The following DPYD variants were observed in gnomAD, a reference collection of about 807,000 sequenced individuals.
The protein encoded by DPYD is dihydropyrimidine dehydrogenase [NADP(+)].
In DPYD, 109 loss-of-function variants were observed where a neutral mutation model predicts 116.2. The observed-to-expected ratio is 0.94, with a 90% CI of 0.80 to 1.10. The LOEUF (loss-of-function observed/expected upper bound fraction) is 1.10. Among genes scored for constraint, DPYD ranks in the 50% least tolerant of loss-of-function variants. The pLI, the probability that DPYD is intolerant of heterozygous loss-of-function variation, is 0.00. For missense variants in DPYD, 1,302 were observed against 1,254.5 expected (o/e 1.04, Z -0.57); for synonymous variants, 440 against 432.0 (o/e 1.02, Z -0.23).
intron 2 of DPYD, among the ~76,000 whole-genome samples, chr1:97,863,877 A>C (rs1671243583): frequency 6.6e-6 from 1 of 151,980 alleles, no homozygotes; most frequent in Admixed American, 6.6e-5. Context: ...ACATTGGACT[A>C]AAGCTAATTT....
intron 11 of DPYD, among the ~76,000 whole-genome samples, chr1:97,557,261 T>C (rs1651803053): frequency 6.6e-6 from 1 of 151,908 alleles, no homozygotes; most frequent in South Asian, 2.1e-4. Flanking sequence ...TATTAGCCCT[T>C]TGTCAGATGA....
At chr1:97,170,104 G>A (rs1656615113) in intron 20 of DPYD, among the ~76,000 whole-genome samples, 1 of 152,286 alleles carries the variant, frequency 6.6e-6, no homozygotes, top group East Asian at 1.9e-4. Context: ...CACAAAGGCA[G>A]GGGAAATAAC....
chr1:97,835,489 A>G (rs1369009818), intron 2 of DPYD, among the ~76,000 whole-genome samples: 1 of 152,106 alleles, frequency 6.6e-6, no homozygotes, highest in Non-Finnish European at 1.5e-5. Context: ...TCTCATACAC[A>G]GTAAGAATTA....
At chr1:97,878,920 A>G (rs1208476782) in intron 2 of DPYD, among the ~76,000 whole-genome samples, 1 of 152,046 alleles carries the variant, frequency 6.6e-6, no homozygotes, top group South Asian at 2.1e-4. Flanking sequence ...CAAACGAGTG[A>G]CTGAGATTGT....
intron 2 of DPYD, among the ~76,000 whole-genome samples, chr1:97,833,149 T>C (rs1280878331): frequency 6.6e-6 from 1 of 152,064 alleles, no homozygotes; most frequent in Non-Finnish European, 1.5e-5. Flanking sequence ...TATACAAACC[T>C]AAATTGAATA....
At chr1:97,222,091 C>A (rs773988412) in intron 19 of DPYD, among the ~76,000 whole-genome samples, 1 of 152,010 alleles carries the variant, frequency 6.6e-6, no homozygotes, top group African/African-American at 2.4e-5. Flanking sequence ...ATAAGAATAT[C>A]TAAACAACTG....
Position 97,639,180 on chromosome 1 carries a change from T to C in DPYD, c.850+39915A>G, listed in dbSNP as rs554991089. On this transcript the variant is annotated intron_variant, in intron 8 of 22. Transcript: ENST00000370192. ...GTAAGGCACACAGTTTTAAATAATC[T>C]TGGTGTCTCTATATACAAAACAGAA... 4.5e-4 allele frequency among the ~76,000 whole-genome samples: 68 copies of C among 152,200 alleles called. 1 individual carries two copies. The highest frequency in any genetic ancestry group is 1.4e-3 in the African/African-American group (58 of 41,552).
At chr1:97,562,127 G>T (rs1298733251) in intron 11 of DPYD, among the ~76,000 whole-genome samples, 1 of 152,186 alleles carries the variant, frequency 6.6e-6, no homozygotes, top group Non-Finnish European at 1.5e-5. Flanking sequence ...CAGAATGAAA[G>T]AATGGGAAGT....
chr1:97,389,696 C>T (rs1672570707), intron 14 of DPYD, among the ~76,000 whole-genome samples: 1 of 151,906 alleles, frequency 6.6e-6, no homozygotes. Context: ...ATTAATACAA[C>T]TTAAGAAAAT....
chr1:97,394,796 G>C (rs1672921757), intron 14 of DPYD, among the ~76,000 whole-genome samples: 1 of 152,056 alleles, frequency 6.6e-6, no homozygotes, highest in Non-Finnish European at 1.5e-5. Context: ...ACTCCAGGTA[G>C]AGTGAGCAGC....
At chr1:97,209,880 T>C (rs1461009448) in intron 19 of DPYD, among the ~76,000 whole-genome samples, 11 of 152,194 alleles carry the variant, frequency 7.2e-5, no homozygotes. Context: ...CACAGAATTG[T>C]TGATTTGGAG....
chr1:97,502,841 T>G (rs1416503090), intron 13 of DPYD, among the ~76,000 whole-genome samples: 1 of 152,028 alleles, frequency 6.6e-6, no homozygotes, highest in Non-Finnish European at 1.5e-5. Context: ...CATTTTAATA[T>G]ATTTATTTAA....
intron 18 of DPYD, among the ~76,000 whole-genome samples, chr1:97,288,670 G>A (rs1665908915): frequency 7.1e-6 from 1 of 141,008 alleles, no homozygotes; most frequent in Non-Finnish European, 1.6e-5. Context: ...CAGACTCTCT[G>A]GGACACATTC....
chr1:97,694,267 G>A (rs998493414), intron 6 of DPYD, among the ~76,000 whole-genome samples: 6 of 152,216 alleles, frequency 3.9e-5, no homozygotes, highest in African/African-American at 1.4e-4. Flanking sequence ...TAGGTAGGGG[G>A]TAGGTGGAAA....
At chr1:97,572,334 A>G (rs569832067) in intron 11 of DPYD, among the ~76,000 whole-genome samples, 1 of 151,900 alleles carries the variant, frequency 6.6e-6, no homozygotes, top group Non-Finnish European at 1.5e-5. Context: ...GCACACACAC[A>G]CAAGCACAAG....
chr1:97,475,094 C>T (rs1287308038), intron 13 of DPYD, among the ~76,000 whole-genome samples: 3 of 152,016 alleles, frequency 2.0e-5, no homozygotes, highest in Admixed American at 2.0e-4. Context: ...ACTGTAAGAC[C>T]AATGGAGCAA....
intron 2 of DPYD, among the ~76,000 whole-genome samples, chr1:97,867,428 T>G (rs1462317027): frequency 6.6e-6 from 1 of 151,956 alleles, no homozygotes; most frequent in East Asian, 1.9e-4. Flanking sequence ...AGATTTGAGT[T>G]GTAGAAGCCT....
intron 18 of DPYD, among the ~76,000 whole-genome samples, chr1:97,263,229 C>T (rs997043503): frequency 6.6e-6 from 1 of 151,994 alleles, no homozygotes; most frequent in Non-Finnish European, 1.5e-5. Flanking sequence ...TTTCCATACT[C>T]CTATGGTAAC....
At chr1:97,297,421 G>A (rs573470314) in intron 18 of DPYD, among the ~76,000 whole-genome samples, 1 of 152,230 alleles carries the variant, frequency 6.6e-6, no homozygotes, top group South Asian at 2.1e-4. Flanking sequence ...CTAAATTTTT[G>A]GGAATGCACA....
Sources: allele counts gnomAD v4.1 joint callset (sites outside exome capture counted in the v4.1 genomes callset), GRCh38; gene constraint gnomAD v4.1.1; transcripts MANE v1.5; gene names NCBI Gene and HGNC (gene_info 2026-07-23, HGNC 2026-07-21).